Variants in MORN3 observed in about 807,000 individuals in gnomAD.
MORN3 encodes the protein MORN repeat-containing protein 3.
A neutral mutation model predicts 34.7 loss-of-function variants in MORN3; 38 were observed. The ratio of observed to expected loss-of-function variants is 1.10; its 90% CI spans 0.85 to 1.44. MORN3 has a LOEUF of 1.44. Ranked by LOEUF, MORN3 falls within the 40% of genes most tolerant of loss-of-function variation. The pLI, the probability that MORN3 is intolerant of heterozygous loss-of-function variation, is 0.00. For missense variants in MORN3, 311 were observed against 321.7 expected, an observed-to-expected ratio of 0.97 and a Z score of 0.25; for synonymous variants, 109 against 115.3, an observed-to-expected ratio of 0.95 and a Z score of 0.35.
rs565596101 is a variant in MORN3, at chr12:121,653,381, A to G, written c.464-122T>C. On this transcript the variant is annotated intron_variant, in intron 3 of 5. Coordinates refer to ENST00000355329, the MANE Select transcript of MORN3 (RefSeq NM_173855.5). ...ATTGGGAGGCCAAGATGGGAGGCTC[A>G]TAAGCCCAGGAGATCAAGACCAGCC... 60 of 1,025,868 alleles carry G rather than the reference A, an allele frequency of 5.8e-5. No individual in the cohort carries two copies. The East Asian group carries it at 1.5e-3, about 25-fold the overall frequency. The allele number at this position is 1,025,868 out of a possible 1,614,324, so 63.5% of individuals were successfully genotyped here. A position where few individuals can be genotyped will look rare whatever the true frequency, so the allele number is the denominator to read the frequency against.
intron 1 of MORN3, among the ~76,000 whole-genome samples, chr12:121,666,013 A>G (rs1419949317): frequency 6.6e-6 from 1 of 151,998 alleles, no homozygotes; most frequent in Non-Finnish European, 1.5e-5. Context: ...AGTGAGGCAA[A>G]CCAAAACTTA....
intron 1 of MORN3, among the ~76,000 whole-genome samples, chr12:121,660,045 C>A (rs1893532144): frequency 6.6e-6 from 1 of 151,312 alleles, no homozygotes; most frequent in Non-Finnish European, 1.5e-5. Flanking sequence ...ACCAGCCTGA[C>A]CAAAATGGCG....
Position 121,653,250 on chromosome 12 carries a change from T to G in MORN3, c.473A>C (p.Asn158Thr). 6.2e-7 allele frequency: 1 copy of G among 1,613,738 alleles called. No homozygotes were observed. Among genetic ancestry groups the G allele is most frequent in the Non-Finnish European group, 8.5e-7 (1 of 1,179,882 alleles). The change falls in exon 4 of 6, where the codon AAC becomes ACC. Residue 158 changes from asparagine (N) to threonine (T), a missense_variant. By Grantham distance (65) the Asn-to-Thr change is moderately conservative (BLOSUM62 0). Coordinates refer to ENST00000355329, the MANE Select transcript of MORN3 (RefSeq NM_173855.5). ...GEGMLRLKNG[N>T]RYEGCWERGM... ...TCTCTCCCAGCAGCCCTCGTAGCGG[T>G]TCCCGTTCTCTGGGGGAAAGGACAG...
chr12:121,660,795 A>G (rs1044878731), intron 1 of MORN3, among the ~76,000 whole-genome samples: 1 of 151,322 alleles, frequency 6.6e-6, no homozygotes, highest in Non-Finnish European at 1.5e-5. Flanking sequence ...CATCCCCCCA[A>G]GTAGCTGGGA....
At chr12:121,661,460 C>T (rs1893578172) in intron 1 of MORN3, among the ~76,000 whole-genome samples, 1 of 152,182 alleles carries the variant, frequency 6.6e-6, no homozygotes, top group African/African-American at 2.4e-5. Context: ...ATGTCTGGGT[C>T]CTTGGTAACC....
intron 2 of MORN3, among the ~76,000 whole-genome samples, chr12:121,657,053 G>A (rs1893436281): frequency 6.6e-6 from 1 of 152,194 alleles, no homozygotes; most frequent in Non-Finnish European, 1.5e-5. Flanking sequence ...CTGAGACAGT[G>A]AAAGAGATTT....
chr12:121,654,865 T>C, intron 2 of MORN3, among the ~76,000 whole-genome samples: 1 of 151,720 alleles, frequency 6.6e-6, no homozygotes, highest in African/African-American at 2.4e-5. Flanking sequence ...CCCAAAGTGC[T>C]GGGATTACAG....
At chr12:121,660,272 A>AACAG (rs1893538881) in intron 1 of MORN3, among the ~76,000 whole-genome samples, 1 of 151,304 alleles carries the variant, frequency 6.6e-6, no homozygotes, top group African/African-American at 2.4e-5. Context: ...CAAACAAACA[A>AACAG]ACAAACAAAC....
intron 1 of MORN3, among the ~76,000 whole-genome samples, chr12:121,660,930 A>G (rs1373664369): frequency 2.0e-5 from 3 of 148,812 alleles, no homozygotes; most frequent in Admixed American, 2.0e-4. Flanking sequence ...CGGCTTCCCA[A>G]AGTGCTAGGA....
chr12:121,665,342 G>A (rs1335690455), intron 1 of MORN3, among the ~76,000 whole-genome samples: 1 of 118,242 alleles, frequency 8.5e-6, no homozygotes, highest in Non-Finnish European at 1.6e-5. Context: ...CCAGGCTGGA[G>A]TGCACTGGCG....
At chr12:121,653,014 G>A (rs1893295115) in intron 4 of MORN3, 61 bp downstream of exon 4, 5 of 1,524,786 alleles carry the variant, frequency 3.3e-6, no homozygotes, top group Non-Finnish European at 4.4e-6. Flanking sequence ...GGCATGGCTG[G>A]GGATGCTGGC....
At chr12:121,660,000 G>A (rs1893530995) in intron 1 of MORN3, among the ~76,000 whole-genome samples, 1 of 151,710 alleles carries the variant, frequency 6.6e-6, no homozygotes, top group Non-Finnish European at 1.5e-5. Flanking sequence ...TTGGGAGGCT[G>A]AGGCGGGTGG....
intron 2 of MORN3, 26 bp downstream of exon 2, chr12:121,659,165 A>ACACC (rs765464229): frequency 6.5e-7 from 1 of 1,542,554 alleles, no homozygotes; most frequent in Non-Finnish European, 8.8e-7. Context: ...ACACACACAC[A>ACACC]CACCCCGGCT....
intron 2 of MORN3, among the ~76,000 whole-genome samples, chr12:121,658,073 T>C (rs1405701224): frequency 6.6e-6 from 1 of 151,992 alleles, no homozygotes; most frequent in Non-Finnish European, 1.5e-5. Flanking sequence ...CCCACCAAGT[T>C]ATCCTTAAAA....
In MORN3 at chr12:121,653,052, GGGCC is replaced by G. The variant is rs782021775; in HGVS notation, c.648+19_648+22del. On this transcript the variant is annotated intron_variant, in intron 4 of 5. Coordinates refer to ENST00000355329, the MANE Select transcript of MORN3 (RefSeq NM_173855.5). ...CTGTCTCTGTCTGGGTGTGGCCACA[GGGCC>G]CTGGTGAGGGCTGCCCACCTCAGGA... 6.3e-7 allele frequency: 1 copy of G among 1,583,940 alleles called. No individual in the cohort carries two copies.
intron 1 of MORN3, among the ~76,000 whole-genome samples, chr12:121,662,949 C>T (rs1403034349): frequency 6.6e-6 from 1 of 151,786 alleles, no homozygotes. Flanking sequence ...ATCGCACCAC[C>T]GCCCTCCAGC....
chr12:121,672,413 T>G (rs1292503372), upstream of MORN3, among the ~76,000 whole-genome samples: 2 of 151,590 alleles, frequency 1.3e-5, no homozygotes, highest in African/African-American at 4.9e-5. Context: ...TGAGCTATCA[T>G]CCGGCGCCAC....
chr12:121,669,419 T>A lies in MORN3; in HGVS notation c.65A>T (p.Gln22Leu). 1 of 1,614,134 alleles carries A rather than the reference T, an allele frequency of 6.2e-7. No individual in the cohort carries two copies. Among genetic ancestry groups the A allele is most frequent in the Non-Finnish European group, 8.5e-7 (1 of 1,179,958 alleles). ...TACCTGGCTCCGCAGGCCGTTCCTC[T>A]GGGCCTTCCGGTCCCACCCCTTCCA... is the stretch of plus-strand genomic sequence containing the variant. ...SLWKGWDRKAQRNGLRSQVYA... is the reference protein window; with the variant it reads ...SLWKGWDRKALRNGLRSQVYA... Residue 22 changes from glutamine to leucine, a missense_variant, in exon 1 of 6, where the codon CAG becomes CTG. Physicochemically the swap from Gln to Leu is moderately radical, Grantham distance 113. Coordinates refer to ENST00000355329, the MANE Select transcript of MORN3 (RefSeq NM_173855.5).
At chr12:121,671,281 C>T (rs766216634), upstream of MORN3, among the ~76,000 whole-genome samples, 14 of 151,260 alleles carry the variant, frequency 9.3e-5, no homozygotes, top group Non-Finnish European at 8.8e-5. Context: ...GTGGCGGGCG[C>T]CTGTAGTCCC....
Sources: allele counts gnomAD v4.1 joint callset (sites outside exome capture counted in the v4.1 genomes callset), GRCh38; gene constraint gnomAD v4.1.1; transcripts MANE v1.5; gene names NCBI Gene and HGNC (gene_info 2026-07-23, HGNC 2026-07-21).